The following KLHL6 variants were observed in gnomAD, a reference collection of about 807,000 sequenced individuals.
The protein encoded by KLHL6 is kelch like family member 6.
In KLHL6, 41 loss-of-function variants were observed where a neutral mutation model predicts 58.6. The ratio of observed to expected loss-of-function variants is 0.70; its 90% CI spans 0.55 to 0.91. The LOEUF is 0.91. KLHL6 is among the 40% of genes least tolerant of loss of function. The probability of loss-of-function intolerance (pLI) is 0.00; values close to 1 mark genes in which losing one functional copy is unlikely to be tolerated. For synonymous variants in KLHL6, 338 were observed against 322.7 expected (o/e 1.05, Z -0.51); for missense variants, 714 against 805.6 (o/e 0.89, Z 1.38).
intron 3 of KLHL6, among the ~76,000 whole-genome samples, chr3:183,506,009 A>G (rs1717990743): frequency 6.6e-6 from 1 of 152,212 alleles, no homozygotes; most frequent in Non-Finnish European, 1.5e-5. Context: ...AAAAACTAGA[A>G]AAGAACACAC....
intron 1 of KLHL6, among the ~76,000 whole-genome samples, chr3:183,535,329 T>C (rs1712330245): frequency 6.6e-6 from 1 of 152,190 alleles, no homozygotes; most frequent in Non-Finnish European, 1.5e-5. Flanking sequence ...GTAGCTACCA[T>C]ATTAGACAGT....
intron 1 of KLHL6, among the ~76,000 whole-genome samples, chr3:183,553,988 A>AAAAG (rs543573790): frequency 1.3e-5 from 2 of 152,006 alleles, no homozygotes; most frequent in Non-Finnish European, 2.9e-5. Flanking sequence ...AAAAAAAAAA[A>AAAAG]AAAGAAAGAA....
chr3:183,502,600 A>G (rs1191657429), intron 3 of KLHL6, among the ~76,000 whole-genome samples: 1 of 152,164 alleles, frequency 6.6e-6, no homozygotes, highest in Non-Finnish European at 1.5e-5. Flanking sequence ...GTCAGCTGAT[A>G]TAGAGATGCC....
intron 1 of KLHL6, among the ~76,000 whole-genome samples, chr3:183,545,695 T>TG (rs1712696581): frequency 6.6e-6 from 1 of 152,086 alleles, no homozygotes; most frequent in African/African-American, 2.4e-5. Context: ...CCACTCCCAG[T>TG]GCAAAAAAAC....
At chr3:183,509,140 C>T (rs1051066895) in intron 2 of KLHL6, among the ~76,000 whole-genome samples, 1 of 152,124 alleles carries the variant, frequency 6.6e-6, no homozygotes, top group Non-Finnish European at 1.5e-5. Context: ...TAAAGATAAA[C>T]AGAGATTTAA....
In KLHL6 at chr3:183,554,895, C is replaced by T. The variant is rs188353154; in HGVS notation, c.293+466G>A. On this transcript the variant is annotated intron_variant, in intron 1 of 6. Transcript: ENST00000341319. ...TTAAAGTGTGATAAGCCGGGCGCAG[C>T]GTCTCACACCTGTAATGCCAGCACT... Among the ~76,000 whole-genome samples, 27 of 152,256 alleles carry T rather than the reference C, an allele frequency of 1.8e-4. No homozygotes were observed. The East Asian group carries it at 4.2e-3, about 24-fold the overall frequency.
At chr3:183,544,350 G>A (rs1378224877) in intron 1 of KLHL6, among the ~76,000 whole-genome samples, 2 of 151,964 alleles carry the variant, frequency 1.3e-5, no homozygotes, top group East Asian at 3.9e-4. Flanking sequence ...ACGTGGAGAT[G>A]GCCTCACCAA....
rs139095155 is a variant in KLHL6 at position 183,491,526 on chromosome 3, T to C, written c.*401A>G. On this transcript the variant is annotated 3_prime_UTR_variant, in exon 7 of 7. Transcript: ENST00000341319. ...AGACCTGGATTTTAGACTCCTGGGG[T>C]AGCTACTTGCTATCTGAGTGATCAG... 1 of 172,212 alleles carries C rather than the reference T, an allele frequency of 5.8e-6. No individual in the cohort carries two copies. The highest frequency in any genetic ancestry group is 2.4e-5 in the African/African-American group (1 of 42,386). The allele number at this position is 172,212 out of a possible 1,614,324, so 10.7% of individuals were successfully genotyped here. A position where few individuals can be genotyped will look rare whatever the true frequency, so the allele number is the denominator to read the frequency against.
intron 4 of KLHL6, among the ~76,000 whole-genome samples, chr3:183,497,001 G>A (rs375456324): frequency 5.3e-4 from 80 of 152,220 alleles, no homozygotes; most frequent in African/African-American, 1.3e-3. Flanking sequence ...AAATTGGGCC[G>A]GGCGTGGTGG....
intron 2 of KLHL6, among the ~76,000 whole-genome samples, chr3:183,524,978 A>G (rs964547478): frequency 2.6e-5 from 4 of 152,132 alleles, no homozygotes; most frequent in African/African-American, 9.7e-5. Flanking sequence ...GATAAAAAAA[A>G]CTTTTGGCTG....
At chr3:183,506,700 T>C (rs1230370005) in intron 3 of KLHL6, among the ~76,000 whole-genome samples, 1 of 151,956 alleles carries the variant, frequency 6.6e-6, no homozygotes, top group Non-Finnish European at 1.5e-5. Context: ...TGGTAGCACA[T>C]GCCTGTACTC....
chr3:183,491,853 G>T lies in KLHL6; in HGVS notation c.*74C>A. 7.7e-7 allele frequency: 1 copy of T among 1,304,360 alleles called. No individual in the cohort carries two copies. The highest frequency in any genetic ancestry group is 1.0e-6 in the Non-Finnish European group (1 of 981,812). 80.8% of individuals were successfully genotyped at this position (1,304,360 alleles called of 1,614,324 possible). ...CAAACTCGAGCCTGCTGCCTGAAGT[G>T]GGACTGGAGGAGGGTGAGAGGTGAG... is the stretch of plus-strand genomic sequence containing the variant. On this transcript the variant is annotated 3_prime_UTR_variant, in exon 7 of 7. Transcript: ENST00000341319.
At chr3:183,544,434 A>G (rs1370437408) in intron 1 of KLHL6, 1 of 152,128 alleles carries the variant, frequency 6.6e-6, no homozygotes, top group Admixed American at 6.5e-5. Context: ...AAAAATAAGA[A>G]CACAAGAATT....
At chr3:183,514,488 C>T (rs372667575) in intron 2 of KLHL6, among the ~76,000 whole-genome samples, 71 of 152,090 alleles carry the variant, frequency 4.7e-4, no homozygotes, top group African/African-American at 1.5e-3. Flanking sequence ...TGATCCTACG[C>T]GCCTCACCCA....
At chr3:183,526,168 G>C (rs554110474) in intron 2 of KLHL6, among the ~76,000 whole-genome samples, 1 of 152,068 alleles carries the variant, frequency 6.6e-6, no homozygotes, top group Admixed American at 6.5e-5. Context: ...AAAATTAGCC[G>C]GGCGTGGTGG....
chr3:183,498,696 A>G (rs1035880730), intron 4 of KLHL6, among the ~76,000 whole-genome samples: 5 of 152,240 alleles, frequency 3.3e-5, no homozygotes, highest in African/African-American at 1.2e-4. Flanking sequence ...CATTCAATAA[A>G]TATTTACTGA....
chr3:183,514,732 GATCTCGGCTCATTGC>G (rs1274418852), intron 2 of KLHL6, among the ~76,000 whole-genome samples: 15 of 151,330 alleles, frequency 9.9e-5, no homozygotes, highest in Non-Finnish European at 1.6e-4. Context: ...ACAGTGGCAC[GATCTCGGCTCATTGC>G]ATCTTCTGCC....
At chr3:183,547,036 T>C (rs572884008) in intron 1 of KLHL6, among the ~76,000 whole-genome samples, 16 of 151,730 alleles carry the variant, frequency 1.1e-4, no homozygotes, top group Non-Finnish European at 1.9e-4. Flanking sequence ...CTCAGCCTCC[T>C]GAGTAGCTGG....
chr3:183,527,807 G>A (rs1359579738), intron 2 of KLHL6, 38 bp downstream of exon 2: 1 of 1,606,206 alleles, frequency 6.2e-7, no homozygotes, highest in Admixed American at 1.7e-5. Flanking sequence ...GCATTCACCT[G>A]CTTCAGAGAA....
Sources: allele counts gnomAD v4.1 joint callset (sites outside exome capture counted in the v4.1 genomes callset), GRCh38; gene constraint gnomAD v4.1.1; transcripts MANE v1.5; gene names NCBI Gene and HGNC (gene_info 2026-07-23, HGNC 2026-07-21).